Variants in WDFY4 observed in about 807,000 individuals in gnomAD.
WDFY4 encodes WD repeat- and FYVE domain-containing protein 4.
A neutral mutation model predicts 351.9 loss-of-function variants in WDFY4; 169 were observed. That is an observed-to-expected ratio of 0.48 (90% CI 0.42 to 0.55). The LOEUF (loss-of-function observed/expected upper bound fraction) is 0.55, where lower values mean the gene tolerates loss of function less well. WDFY4 is among the 20% of genes least tolerant of loss of function. The pLI, the probability that WDFY4 is intolerant of heterozygous loss-of-function variation, is 0.00. For missense variants in WDFY4, 3,803 were observed against 3,935.6 expected (o/e 0.97, Z 0.90); for synonymous variants, 1,622 against 1,574.6 (o/e 1.03, Z -0.71).
chr10:48,977,336 C>G (rs1323209244), intron 59 of WDFY4, among the ~76,000 whole-genome samples: 1 of 152,086 alleles, frequency 6.6e-6, no homozygotes, highest in Admixed American at 6.5e-5. Flanking sequence ...CACCCATCCA[C>G]TAATTTATCT....
intron 1 of WDFY4, among the ~76,000 whole-genome samples, chr10:48,704,054 C>T (rs565593102): frequency 2.2e-4 from 34 of 152,078 alleles, no homozygotes; most frequent in Middle Eastern, 3.2e-3. Flanking sequence ...GGGGAGACCC[C>T]ATCACATACA....
At chr10:48,776,055 A>G (rs1320300051) in intron 15 of WDFY4, among the ~76,000 whole-genome samples, 1 of 152,196 alleles carries the variant, frequency 6.6e-6, no homozygotes, top group Admixed American at 6.5e-5. Flanking sequence ...GTTCCAGATC[A>G]TGGAAGCAGA....
chr10:48,772,731 A>G (rs1397866043), intron 13 of WDFY4, among the ~76,000 whole-genome samples: 4 of 143,248 alleles, frequency 2.8e-5, no homozygotes, highest in South Asian at 4.4e-4. Flanking sequence ...AGAGTGTGCT[A>G]TTCCCCTTCC....
intron 30 of WDFY4, 73 bp from the exon 31 acceptor site, chr10:48,813,884 T>G: frequency 1.4e-6 from 2 of 1,408,518 alleles, no homozygotes; most frequent in Non-Finnish European, 1.9e-6. Context: ...GGAAACATGA[T>G]GAACTGGCTG....
intron 2 of WDFY4, among the ~76,000 whole-genome samples, chr10:48,719,687 A>G (rs2064015279): frequency 6.6e-6 from 1 of 152,162 alleles, no homozygotes; most frequent in Admixed American, 6.5e-5. Flanking sequence ...TGGTGCTCCT[A>G]TGGGGGCAGC....
intron 51 of WDFY4, among the ~76,000 whole-genome samples, chr10:48,953,582 G>C (rs189138173): frequency 4.0e-4 from 61 of 152,270 alleles, no homozygotes; most frequent in African/African-American, 1.3e-3. Context: ...ATATCAACAG[G>C]GTCCTGTAAG....
chr10:48,941,842 G>A lies in WDFY4; in HGVS notation c.7623G>A (p.Lys2541=), dbSNP rs775164144. ...GCTCTGACAGGATCATGCTGCAGAA[G>A]TGGCAGGTACAGTAGCTCCTCCAGA... ...YPGSDRIMLQ[K]WQKRDISNFE... Residue 2541 remains lysine (K), a synonymous_variant, in exon 48 of 62, where the codon AAG becomes AAA. Transcript: ENST00000325239. The A allele has an allele frequency of 6.6e-5, 102 of 1,551,868 alleles. No homozygotes were observed. The highest frequency in any genetic ancestry group is 8.6e-5 in the Non-Finnish European group (99 of 1,147,076).
intron 47 of WDFY4, among the ~76,000 whole-genome samples, chr10:48,920,575 G>A (rs1026718405): frequency 1.3e-5 from 2 of 152,132 alleles, no homozygotes; most frequent in Non-Finnish European, 2.9e-5. Context: ...CTTCGTGAAG[G>A]ACAGAAGGTT....
At chr10:48,824,962 T>A (rs2067946423) in intron 35 of WDFY4, among the ~76,000 whole-genome samples, 1 of 152,200 alleles carries the variant, frequency 6.6e-6, no homozygotes, top group Non-Finnish European at 1.5e-5. Context: ...CTTTTATTTT[T>A]ATTTCCAAGT....
At chr10:48,779,795 T>G in intron 18 of WDFY4, 146 bp from the exon 19 acceptor site, 1 of 743,260 alleles carries the variant, frequency 1.3e-6, no homozygotes, top group Non-Finnish European at 2.1e-6. Flanking sequence ...CTATTGCTGC[T>G]GCTGTTGTCA....
At chr10:48,893,147 T>C (rs953562784) in intron 44 of WDFY4, among the ~76,000 whole-genome samples, 3 of 152,224 alleles carry the variant, frequency 2.0e-5, no homozygotes, top group African/African-American at 7.2e-5. Flanking sequence ...TCCCTTGGCT[T>C]TGAGATGCAT....
chr10:48,948,368 T>G (rs1322104187), intron 51 of WDFY4, among the ~76,000 whole-genome samples: 3 of 152,348 alleles, frequency 2.0e-5, no homozygotes, highest in African/African-American at 7.2e-5. Flanking sequence ...ATGTTGCTCA[T>G]TAATCCACAA....
At chr10:48,700,976 G>T (rs1182427763) in intron 1 of WDFY4, among the ~76,000 whole-genome samples, 1 of 152,142 alleles carries the variant, frequency 6.6e-6, no homozygotes, top group Non-Finnish European at 1.5e-5. Flanking sequence ...ATAGTTCAGT[G>T]GCATTGAGTA....
intron 22 of WDFY4, 25 bp downstream of exon 22, chr10:48,790,010 C>T (rs148220744): frequency 5.9e-5 from 91 of 1,548,490 alleles, no homozygotes; most frequent in South Asian, 3.1e-4. Flanking sequence ...GAAGCTTTGC[C>T]GCTATTTGGG....
Position 48,743,053 on chromosome 10 carries a change from C to T in WDFY4, c.1964C>T (p.Ser655Phe). 1.3e-6 allele frequency: 2 copies of T among 1,551,640 alleles called. No individual in the cohort carries two copies. Among genetic ancestry groups the T allele is most frequent in the Non-Finnish European group, 1.7e-6 (2 of 1,146,974 alleles). ...TTCAACGGGCTGCTGTCTCTGCTCT[C>T]TGACCTGGAAGGCTCCCTCCAGGAG... Reference protein sequence around the residue: ...SGFNGLLSLLSDLEGSLQEPP... With the variant: ...SGFNGLLSLLFDLEGSLQEPP... Residue 655 changes from serine to phenylalanine, a missense_variant, in exon 12 of 62, where the codon TCT becomes TTT. Coordinates refer to ENST00000325239, the MANE Select transcript of WDFY4 (RefSeq NM_001394531.1).
intron 47 of WDFY4, among the ~76,000 whole-genome samples, chr10:48,912,277 T>C (rs1827214274): frequency 6.6e-6 from 1 of 152,244 alleles, no homozygotes; most frequent in African/African-American, 2.4e-5. Context: ...GGAAGAAAAC[T>C]GGCTTCTGCT....
intron 2 of WDFY4, among the ~76,000 whole-genome samples, chr10:48,716,641 G>A (rs571192244): frequency 3.9e-5 from 6 of 152,314 alleles, no homozygotes; most frequent in African/African-American, 1.4e-4. Context: ...CCAGGAAGGA[G>A]TCTGGGCCTT....
intron 4 of WDFY4, among the ~76,000 whole-genome samples, chr10:48,722,261 C>T (rs994488604): frequency 6.6e-6 from 1 of 152,180 alleles, no homozygotes; most frequent in Non-Finnish European, 1.5e-5. Context: ...TCAGGCACAG[C>T]GACCTGAAGC....
chr10:48,749,679 G>A (rs1395069867), intron 12 of WDFY4, among the ~76,000 whole-genome samples: 1 of 152,196 alleles, frequency 6.6e-6, no homozygotes. Context: ...CCCTATGGGA[G>A]ACCATTTCAC....
Sources: gnomAD v4.1 joint callset for allele counts (sites outside exome capture counted in the v4.1 genomes callset) on GRCh38, gnomAD v4.1.1 for gene constraint, MANE v1.5 for transcripts, NCBI Gene and HGNC (gene_info 2026-07-23, HGNC 2026-07-21) for gene names.